The following GPR158 variants were observed in gnomAD, a reference collection of about 807,000 sequenced individuals.
GPR158 encodes G protein-coupled receptor 158.
A neutral mutation model predicts 78.2 loss-of-function variants in GPR158; 30 were observed. The ratio of observed to expected loss-of-function variants is 0.38; its 90% CI spans 0.29 to 0.52. GPR158 has a LOEUF of 0.52. GPR158 is among the 20% of genes least tolerant of loss of function. GPR158 has a pLI of 0.83. For missense variants in GPR158, 1,463 were observed against 1,523.5 expected (o/e 0.96, Z 0.66); for synonymous variants, 581 against 591.1 (o/e 0.98, Z 0.25).
intron 1 of GPR158, among the ~76,000 whole-genome samples, chr10:25,189,346 G>A (rs985435273): frequency 3.3e-5 from 5 of 152,150 alleles, no homozygotes; most frequent in Admixed American, 3.3e-4. Context: ...TGTATTTATT[G>A]CAGCACTATT....
chr10:25,317,725 TGTTTTGTTTTG>T (rs1426902884), intron 2 of GPR158, among the ~76,000 whole-genome samples: 8 of 136,380 alleles, frequency 5.9e-5, no homozygotes, highest in East Asian at 4.1e-4. Context: ...TGTTTTTTTT[TGTTTTGTTTTG>T]TTTTGTTTTT....
intron 6 of GPR158, among the ~76,000 whole-genome samples, chr10:25,564,133 G>T (rs1836897339): frequency 6.6e-6 from 1 of 152,176 alleles, no homozygotes; most frequent in African/African-American, 2.4e-5. Flanking sequence ...ATTCAACAGA[G>T]ATTTTCATAA....
chr10:25,354,215 C>T (rs558324865), intron 2 of GPR158, among the ~76,000 whole-genome samples: 2 of 151,684 alleles, frequency 1.3e-5, no homozygotes, highest in African/African-American at 4.8e-5. Context: ...ATTAGCCAGG[C>T]GTGGTGGCTC....
intron 5 of GPR158, among the ~76,000 whole-genome samples, chr10:25,494,361 ATGTTT>A (rs1241391259): frequency 6.6e-6 from 1 of 152,164 alleles, no homozygotes; most frequent in Non-Finnish European, 1.5e-5. Context: ...AAATTTTATT[ATGTTT>A]TATTAAGAAG....
At chr10:25,485,648 G>A (rs1835726376) in intron 5 of GPR158, among the ~76,000 whole-genome samples, 1 of 151,752 alleles carries the variant, frequency 6.6e-6, no homozygotes, top group African/African-American at 2.4e-5. Context: ...GAAAATACAT[G>A]GTATTTTGTG....
In GPR158 at chr10:25,600,433, CAAAAAA is replaced by C. The variant is rs928800622; in HGVS notation, c.*1163_*1168del. The C allele has an allele frequency of 2.0e-5, 3 of 148,636 alleles. No homozygotes were observed. The East Asian group carries it at 5.9e-4, about 29-fold the overall frequency. 9.2% of individuals were successfully genotyped at this position (148,636 alleles called of 1,614,324 possible). A position where few individuals can be genotyped will look rare whatever the true frequency, so the allele number is the denominator to read the frequency against. On this transcript the variant is annotated 3_prime_UTR_variant, in exon 11 of 11. Coordinates refer to ENST00000376351, the MANE Select transcript of GPR158 (RefSeq NM_020752.3). ...CTATAAACCCAGGAAGTTTGCCTTT[CAAAAAA>C]AAACACAGGTAGCTCCTGATAGCAC... is the stretch of plus-strand genomic sequence containing the variant.
At chr10:25,579,287 A>G (rs920200835) in intron 7 of GPR158, among the ~76,000 whole-genome samples, 1 of 152,124 alleles carries the variant, frequency 6.6e-6, no homozygotes, top group African/African-American at 2.4e-5. Context: ...GAGTTTTCTA[A>G]TTGGATAATA....
At position 25,251,151 on chromosome 10, in the gene GPR158, T is replaced by C. The variant is rs549393656; in HGVS notation, c.1008+29994T>C. Among the ~76,000 whole-genome samples the C allele has an allele frequency of 7.0e-4, 107 of 152,290 alleles. 1 individual carries two copies. The highest frequency in any genetic ancestry group is 2.4e-3 in the African/African-American group (98 of 41,554). Reference sequence around the variant, plus strand: ...GGAATGCAACCCCTGCCTTTTTTTGTTTTCCATTTGCTTGGTAGATGTTCC... The same window carrying C: ...GGAATGCAACCCCTGCCTTTTTTTGCTTTCCATTTGCTTGGTAGATGTTCC... On this transcript the variant is annotated intron_variant, in intron 2 of 10. Coordinates refer to ENST00000376351, the MANE Select transcript of GPR158 (RefSeq NM_020752.3).
chr10:25,240,232 G>A (rs1197952651), intron 2 of GPR158, among the ~76,000 whole-genome samples: 1 of 152,208 alleles, frequency 6.6e-6, no homozygotes, highest in Non-Finnish European at 1.5e-5. Context: ...CTTTTGGCCA[G>A]GCACAGTGGC....
rs139325292 is a variant in GPR158 at position 25,302,568 on chromosome 10, C to T, written c.1008+81411C>T. The stretch of plus-strand genomic sequence containing the variant: ...TCCTCCCTTTGGACAGGGGACAACA[C>T]ACTTTTTCTATAAATATCCAGGTAG... On this transcript the variant is annotated intron_variant, in intron 2 of 10. Transcript: ENST00000376351. Among the ~76,000 whole-genome samples, 66 of 152,244 alleles carry T rather than the reference C, an allele frequency of 4.3e-4. No individual in the cohort carries two copies. In the East Asian group the frequency reaches 0.012, roughly 28 times the overall value.
rs1853293635 is a variant in GPR158 at position 25,221,128 on chromosome 10, A to G, written c.979A>G (p.Thr327Ala). Residue 327 changes from threonine to alanine, a missense_variant, in exon 2 of 11, where the codon ACT (threonine) becomes GCT (alanine). Transcript: ENST00000376351. ...QCSSDGWFSGTHKCHLNNSEC... is the reference protein window; with the variant it reads ...QCSSDGWFSGAHKCHLNNSEC... Reference sequence around the variant, plus strand: ...CTCAAGTGATGGCTGGTTTTCAGGAACTCATAAATGCCACCTCAACAATTC... The same window carrying G: ...CTCAAGTGATGGCTGGTTTTCAGGAGCTCATAAATGCCACCTCAACAATTC... The G allele has an allele frequency of 6.3e-7, 1 of 1,586,330 alleles. No individual in the cohort carries two copies.
intron 5 of GPR158, among the ~76,000 whole-genome samples, chr10:25,492,627 T>C (rs1210993201): frequency 6.6e-6 from 1 of 152,062 alleles, no homozygotes; most frequent in Non-Finnish European, 1.5e-5. Context: ...TTGACTGTTA[T>C]ATCTGCATGT....
At chr10:25,295,500 A>G (rs1026346352) in intron 2 of GPR158, among the ~76,000 whole-genome samples, 3 of 149,564 alleles carry the variant, frequency 2.0e-5, no homozygotes, top group South Asian at 4.3e-4. Context: ...TGCAAGCTCC[A>G]CCTCCCGGGT....
intron 6 of GPR158, 56 bp downstream of exon 6, chr10:25,551,141 G>C: frequency 1.0e-6 from 1 of 983,692 alleles, no homozygotes; most frequent in Non-Finnish European, 1.7e-6. Flanking sequence ...AATCAGCTTG[G>C]CACATAATTG....
intron 2 of GPR158, among the ~76,000 whole-genome samples, chr10:25,271,892 G>A (rs979039121): frequency 1.5e-4 from 23 of 152,000 alleles, no homozygotes; most frequent in Admixed American, 1.0e-3. Flanking sequence ...TGCCCACCTC[G>A]GCTTCCAAAA....
At chr10:25,406,572 G>T (rs1325508188) in intron 3 of GPR158, among the ~76,000 whole-genome samples, 1 of 152,164 alleles carries the variant, frequency 6.6e-6, no homozygotes, top group Non-Finnish European at 1.5e-5. Flanking sequence ...ACTGTGGTCA[G>T]TGCTATGAAG....
At chr10:25,498,615 T>C (rs1835915033) in intron 5 of GPR158, among the ~76,000 whole-genome samples, 1 of 152,176 alleles carries the variant, frequency 6.6e-6, no homozygotes, top group Non-Finnish European at 1.5e-5. Flanking sequence ...GGAGCTAGTT[T>C]TGTGCCCAGC....
At position 25,412,366 on chromosome 10, in the gene GPR158, G is replaced by A. The variant is rs757293544; in HGVS notation, c.1228G>A (p.Val410Ile). The change falls in exon 4 of 11, where the codon GTC becomes ATC. Residue 410 changes from valine (V) to isoleucine (I), a missense_variant. Transcript: ENST00000376351. ...CTGTGCTGATGACAGCCCATGCTTCGTCCAGGAAGATAAGTATTTACGACT... is the reference window on the plus strand; with the variant it reads ...CTGTGCTGATGACAGCCCATGCTTCATCCAGGAAGATAAGTATTTACGACT... The part of the protein sequence containing the change: ...PFCADDSPCF[V>I]QEDKYLRLAI... The A allele has an allele frequency of 5.0e-5, 81 of 1,613,738 alleles. No homozygotes were observed. In the South Asian group the frequency reaches 7.1e-4, roughly 14 times the overall value.
rs113141482 is a variant in GPR158, at chr10:25,308,457, G to A, written c.1008+87300G>A. ...TGACTGTCTTTTTATGTGGTTATGA[G>A]CCATTACTCTATTGCCTGTTCAGGT... is the stretch of plus-strand genomic sequence containing the variant. On this transcript the variant is annotated intron_variant, in intron 2 of 10. Coordinates refer to ENST00000376351, the MANE Select transcript of GPR158 (RefSeq NM_020752.3). 6.5e-3 allele frequency among the ~76,000 whole-genome samples: 990 copies of A among 152,106 alleles called. 6 individuals carry two copies. The highest frequency in any genetic ancestry group is 0.01 in the Non-Finnish European group (686 of 67,988).
Sources: allele counts gnomAD v4.1 joint callset (sites outside exome capture counted in the v4.1 genomes callset), GRCh38; gene constraint gnomAD v4.1.1; transcripts MANE v1.5; gene names NCBI Gene and HGNC (gene_info 2026-07-23, HGNC 2026-07-21).